Variants in POLE2 observed in about 807,000 individuals in gnomAD.
The protein encoded by POLE2 is DNA polymerase epsilon 2, accessory subunit, also known as DNA polymerase epsilon subunit 2.
A neutral mutation model predicts 79.4 loss-of-function variants in POLE2; 56 were observed. The observed-to-expected ratio is 0.71, with a 90% CI of 0.57 to 0.88. POLE2 has a LOEUF of 0.88. POLE2 is among the 40% of genes least tolerant of loss of function. POLE2 has a pLI of 0.00. For missense variants in POLE2, 598 were observed against 638.9 expected (o/e 0.94, Z 0.69); for synonymous variants, 212 against 214.0 (o/e 0.99, Z 0.08).
chr14:49,646,646 G>A (rs1883798874), intron 18 of POLE2: 1 of 152,022 alleles, frequency 6.6e-6, no homozygotes, highest in Admixed American at 6.6e-5. Flanking sequence ...AACCAGTGGT[G>A]GGAACTTTTT....
intron 15 of POLE2, among the ~76,000 whole-genome samples, chr14:49,652,523 C>CCCAT (rs1408237275): frequency 6.6e-6 from 1 of 152,084 alleles, no homozygotes; most frequent in Non-Finnish European, 1.5e-5. Context: ...ACAGCCACTC[C>CCCAT]CCATCGGTTG....
intron 17 of POLE2, among the ~76,000 whole-genome samples, chr14:49,649,932 C>T (rs1419252071): frequency 6.6e-6 from 1 of 152,116 alleles, no homozygotes; most frequent in African/African-American, 2.4e-5. Flanking sequence ...GGACAAGTAC[C>T]ACCAATATGC....
chr14:49,661,684 A>G (rs933161932), intron 10 of POLE2, among the ~76,000 whole-genome samples: 2 of 152,174 alleles, frequency 1.3e-5, no homozygotes, highest in African/African-American at 4.8e-5. Flanking sequence ...CATAAAACAT[A>G]CTCACTAAAA....
chr14:49,658,060 T>A (rs1231590648), intron 10 of POLE2, among the ~76,000 whole-genome samples: 2 of 150,916 alleles, frequency 1.3e-5, no homozygotes, highest in East Asian at 3.9e-4. Flanking sequence ...CCCTGCAGTC[T>A]CTGTCCTCTG....
At chr14:49,670,604 G>A (rs1414652470) in intron 5 of POLE2, among the ~76,000 whole-genome samples, 1 of 152,180 alleles carries the variant, frequency 6.6e-6, no homozygotes, top group African/African-American at 2.4e-5. Context: ...ATTGGTTCAA[G>A]GATGAGCAAG....
rs368926840 is a variant in POLE2, at chr14:49,674,216, A to C, written c.324T>G (p.Pro108=). The change falls in exon 5 of 19, where the codon CCT becomes CCG. Residue 108 remains proline, a splice_region_variant and synonymous_variant. Coordinates refer to ENST00000216367, the MANE Select transcript of POLE2 (RefSeq NM_002692.4). ...VYNSERKKFL[P]LLMTNHPAPN... is the part of the protein sequence containing the mutation. ...GTGCAGGGTGGTTGGTCATTAACAGACTAGAAAAAGAGAATGCCTATTTTT... is the reference window on the plus strand; with the variant it reads ...GTGCAGGGTGGTTGGTCATTAACAGCCTAGAAAAAGAGAATGCCTATTTTT... The C allele has an allele frequency of 1.9e-6, 3 of 1,602,224 alleles. No individual in the cohort carries two copies.
At chr14:49,679,556 A>G in intron 3 of POLE2, 169 bp downstream of exon 3, 2 of 529,790 alleles carry the variant, frequency 3.8e-6, no homozygotes. Context: ...AAGATGAGTC[A>G]TTTAATAATG....
intron 1 of POLE2, among the ~76,000 whole-genome samples, chr14:49,684,932 G>C (rs1468808735): frequency 6.6e-6 from 1 of 151,922 alleles, no homozygotes. Flanking sequence ...AGCGGAGATC[G>C]GGCCACTACA....
chr14:49,645,043 CAAAAA>C (rs527251561), intron 18 of POLE2, among the ~76,000 whole-genome samples: 1 of 88,318 alleles, frequency 1.1e-5, no homozygotes, highest in Non-Finnish European at 2.4e-5. Context: ...CTCCGTCTCA[CAAAAA>C]AAAAAAAAAA....
chr14:49,661,149 A>G (rs1885072245), intron 10 of POLE2, among the ~76,000 whole-genome samples: 1 of 152,088 alleles, frequency 6.6e-6, no homozygotes, highest in East Asian at 1.9e-4. Flanking sequence ...CTGAACTCCA[A>G]AGCTCAAGCG....
Position 49,664,988 on chromosome 14 carries a change from C to T in POLE2, c.633+119G>A, listed in dbSNP as rs201783569. On this transcript the variant is annotated intron_variant, in intron 8 of 18. Coordinates refer to ENST00000216367, the MANE Select transcript of POLE2 (RefSeq NM_002692.4). ...AGGATTATATCTCTACATTCCTACA[C>T]CAGCAACATAGAGAAGTTACATTGA... The T allele has an allele frequency of 1.3e-4, 86 of 669,962 alleles. No homozygotes were observed. In the East Asian group the frequency reaches 2.2e-3, roughly 17 times the overall value. 41.5% of individuals were successfully genotyped at this position (669,962 alleles called of 1,614,324 possible). A position where few individuals can be genotyped will look rare whatever the true frequency, so the allele number is the denominator to read the frequency against.
intron 2 of POLE2, chr14:49,681,710 G>T (rs1379044907): frequency 1.3e-5 from 2 of 151,926 alleles, no homozygotes; most frequent in Admixed American, 1.3e-4. Flanking sequence ...GGAGGCAGAG[G>T]CTGCAGTGAA....
chr14:49,655,729 T>TA lies in POLE2; in HGVS notation c.869dup (p.Leu290PhefsTer3). The TA allele has an allele frequency of 6.2e-7, 1 of 1,612,358 alleles. No homozygotes were observed. Among genetic ancestry groups the TA allele is most frequent in the Non-Finnish European group, 8.5e-7 (1 of 1,179,152 alleles). ...CCACCTGGTCCAACCAAACATCAGA[T>TA]AAAAACACAAACATAGCATCTTTAT... On this transcript the variant is annotated frameshift_variant, in exon 11 of 19. Coordinates refer to ENST00000216367, the MANE Select transcript of POLE2 (RefSeq NM_002692.4). LOFTEE classifies it high-confidence loss of function.
chr14:49,671,886 A>T (rs1455617432), intron 5 of POLE2, among the ~76,000 whole-genome samples: 1 of 152,044 alleles, frequency 6.6e-6, no homozygotes, highest in Non-Finnish European at 1.5e-5. Flanking sequence ...CCCAGGAGGC[A>T]GAGGTTACAG....
At chr14:49,675,122 T>G (rs548448759) in intron 3 of POLE2, among the ~76,000 whole-genome samples, 41 of 152,096 alleles carry the variant, frequency 2.7e-4, no homozygotes, top group Non-Finnish European at 5.6e-4. Context: ...TTCACTCTTG[T>G]TGCCCAGGCT....
In POLE2 at chr14:49,650,447, A is replaced by G. The variant is rs747901437; in HGVS notation, c.1321-6T>C. The G allele has an allele frequency of 8.6e-5, 122 of 1,422,568 alleles. 1 individual carries two copies. The highest frequency in any genetic ancestry group is 1.1e-4 in the Non-Finnish European group (117 of 1,076,034). 88.1% of individuals were successfully genotyped at this position (1,422,568 alleles called of 1,614,324 possible). On this transcript the variant is annotated splice_polypyrimidine_tract_variant and splice_region_variant and intron_variant, in intron 16 of 18. Coordinates refer to ENST00000216367, the MANE Select transcript of POLE2 (RefSeq NM_002692.4). ...GATAAGATAGTCTTTACAAACTACA[A>G]AAGAGCACAAAACAAAGCAAACTTC... is the stretch of plus-strand genomic sequence containing the variant.
chr14:49,662,726 C>T (rs1451574730), intron 10 of POLE2, among the ~76,000 whole-genome samples: 1 of 152,142 alleles, frequency 6.6e-6, no homozygotes. Context: ...GAAACTAACT[C>T]GAAATGTTTT....
chr14:49,650,562 G>A (rs183200268), intron 16 of POLE2, 121 bp from the exon 17 acceptor site: 2 of 555,332 alleles, frequency 3.6e-6, no homozygotes, highest in East Asian at 6.8e-5. Context: ...GAGAAACTAG[G>A]AAAGCTTTGA....
At chr14:49,658,164 C>A (rs1884839374) in intron 10 of POLE2, among the ~76,000 whole-genome samples, 1 of 151,776 alleles carries the variant, frequency 6.6e-6, no homozygotes, top group African/African-American at 2.4e-5. Flanking sequence ...GCAAGCTCTG[C>A]CTCCCGGGTT....
Sources: gnomAD v4.1 joint callset for allele counts (sites outside exome capture counted in the v4.1 genomes callset) on GRCh38, gnomAD v4.1.1 for gene constraint, MANE v1.5 for transcripts, NCBI Gene and HGNC (gene_info 2026-07-23, HGNC 2026-07-21) for gene names.